The following NEGR1 variants were observed in gnomAD, a reference collection of about 807,000 sequenced individuals.
NEGR1 encodes the protein neuronal growth regulator 1, also known as IgLON family member 4.
Under a neutral mutation model 40.9 loss-of-function variants are expected in NEGR1, and 10 were observed. The ratio of observed to expected loss-of-function variants is 0.24; its 90% confidence interval spans 0.15 to 0.42. NEGR1 has a LOEUF of 0.42. Ranked by LOEUF, NEGR1 falls within the 10% of genes least tolerant of loss-of-function variation. NEGR1 has a pLI of 1.00. For synonymous variants in NEGR1, 185 were observed against 166.8 expected (o/e 1.11, Z -0.84); for missense variants, 352 against 438.9 (o/e 0.80, Z 1.77).
rs149059697 is a variant in NEGR1 at position 72,183,184 on chromosome 1, A to T, written c.176+99135T>A. Among the ~76,000 whole-genome samples the T allele has an allele frequency of 6.1e-3, 928 of 152,126 alleles. 12 individuals carry two copies. The highest frequency in any genetic ancestry group is 0.021 in the African/African-American group (886 of 41,512). ...GACCACTGAAACCTCTCTTTAAGAG[A>T]CCCTACTTCAGGGAGCATAGCTGAC... On this transcript the variant is annotated intron_variant, in intron 1 of 6. Coordinates refer to ENST00000357731, the MANE Select transcript of NEGR1 (RefSeq NM_173808.3).
chr1:71,724,385 A>G (rs1446386467), intron 3 of NEGR1, among the ~76,000 whole-genome samples: 1 of 152,162 alleles, frequency 6.6e-6, no homozygotes, highest in Non-Finnish European at 1.5e-5. Context: ...TATTTTTTGT[A>G]TAAACAGAAT....
intron 6 of NEGR1, among the ~76,000 whole-genome samples, chr1:71,528,636 G>A (rs1317304272): frequency 6.6e-6 from 1 of 151,130 alleles, no homozygotes; most frequent in Non-Finnish European, 1.5e-5. Flanking sequence ...ACATAATATG[G>A]TATCTTGTGG....
chr1:71,569,523 T>C (rs1005812973), intron 6 of NEGR1, among the ~76,000 whole-genome samples: 1 of 152,202 alleles, frequency 6.6e-6, no homozygotes, highest in African/African-American at 2.4e-5. Flanking sequence ...GCATCTCTTC[T>C]GTAAAAATAT....
At chr1:71,597,472 C>CTCTCTCTCTGTGTGTGTGTGTGTG (rs756076229) in intron 5 of NEGR1, among the ~76,000 whole-genome samples, 41 of 31,278 alleles carry the variant, frequency 1.3e-3, no homozygotes, top group African/African-American at 2.4e-3. Flanking sequence ...CTCTCTCTCT[C>CTCTCTCTCTGTGTGTGTGTGTGTG]TGTGTGTGTG....
At chr1:71,864,242 A>G (rs1037829153) in intron 2 of NEGR1, among the ~76,000 whole-genome samples, 15 of 152,270 alleles carry the variant, frequency 9.9e-5, no homozygotes, top group African/African-American at 1.7e-4. Flanking sequence ...TTAAGACTGT[A>G]CAGCTTATTC....
chr1:72,013,766 T>C (rs995584455), intron 1 of NEGR1, among the ~76,000 whole-genome samples: 5 of 151,740 alleles, frequency 3.3e-5, no homozygotes, highest in Non-Finnish European at 5.9e-5. Context: ...CTGACTGTCA[T>C]GTTCGTGAAC....
intron 2 of NEGR1, among the ~76,000 whole-genome samples, chr1:71,908,588 C>T (rs1444951083): frequency 6.6e-6 from 1 of 152,112 alleles, no homozygotes; most frequent in Non-Finnish European, 1.5e-5. Context: ...CCAACTGGGA[C>T]AAAAACATAC....
intron 5 of NEGR1, among the ~76,000 whole-genome samples, chr1:71,598,273 T>A (rs957273622): frequency 6.6e-6 from 1 of 151,902 alleles, no homozygotes; most frequent in Non-Finnish European, 1.5e-5. Context: ...TTCAAGAAAA[T>A]CGAGTCAAGC....
At chr1:72,097,486 A>C (rs148751605) in intron 1 of NEGR1, among the ~76,000 whole-genome samples, 650 of 152,276 alleles carry the variant, frequency 4.3e-3, no homozygotes, top group African/African-American at 0.015. Context: ...TCATAATATT[A>C]CCCAGGGTCA....
At chr1:72,270,624 T>C (rs1655810595) in intron 1 of NEGR1, among the ~76,000 whole-genome samples, 1 of 151,922 alleles carries the variant, frequency 6.6e-6, no homozygotes, top group Non-Finnish European at 1.5e-5. Flanking sequence ...CAAATGTTCA[T>C]CTTCATCCTC....
intron 2 of NEGR1, among the ~76,000 whole-genome samples, chr1:71,783,622 A>G (rs1282880114): frequency 2.0e-5 from 3 of 152,196 alleles, no homozygotes; most frequent in Admixed American, 6.6e-5. Flanking sequence ...CTACAGATAA[A>G]ATATGCCAGA....
At chr1:71,522,861 T>TA (rs1251415103) in intron 6 of NEGR1, among the ~76,000 whole-genome samples, 1 of 151,528 alleles carries the variant, frequency 6.6e-6, no homozygotes, top group Non-Finnish European at 1.5e-5. Context: ...CCAGATACAA[T>TA]AAAAAACAAT....
chr1:71,438,060 T>G (rs1186221984), intron 6 of NEGR1, among the ~76,000 whole-genome samples: 1 of 152,216 alleles, frequency 6.6e-6, no homozygotes, highest in Non-Finnish European at 1.5e-5. Context: ...TGATCTATGG[T>G]TTAAACCAGT....
chr1:71,660,757 T>C (rs1652026826), intron 4 of NEGR1, among the ~76,000 whole-genome samples: 1 of 152,140 alleles, frequency 6.6e-6, no homozygotes. Flanking sequence ...ACCTGCAGGT[T>C]TGTTACATAG....
At chr1:72,126,653 A>AT (rs1650035842) in intron 1 of NEGR1, among the ~76,000 whole-genome samples, 1 of 152,150 alleles carries the variant, frequency 6.6e-6, no homozygotes, top group Admixed American at 6.5e-5. Context: ...AGGGTCAGAG[A>AT]TTTTTATCCT....
chr1:72,133,091 C>T (rs1650319016), intron 1 of NEGR1, among the ~76,000 whole-genome samples: 1 of 152,082 alleles, frequency 6.6e-6, no homozygotes, highest in Non-Finnish European at 1.5e-5. Flanking sequence ...TAACAATACT[C>T]ATTTAAGAAT....
At chr1:71,511,331 T>C (rs1435633193) in intron 6 of NEGR1, among the ~76,000 whole-genome samples, 3 of 152,218 alleles carry the variant, frequency 2.0e-5, no homozygotes, top group Non-Finnish European at 4.4e-5. Context: ...CATGTATAAA[T>C]TGAGTTTTTA....
chr1:71,798,311 G>C (rs942850621), intron 2 of NEGR1: 1 of 151,760 alleles, frequency 6.6e-6, no homozygotes, highest in Non-Finnish European at 1.5e-5. Context: ...GAAAGTTCAC[G>C]GTGAATATCC....
intron 6 of NEGR1, among the ~76,000 whole-genome samples, chr1:71,482,252 G>T (rs1646858484): frequency 6.6e-6 from 1 of 151,742 alleles, no homozygotes; most frequent in South Asian, 2.1e-4. Flanking sequence ...TAATATTAAA[G>T]AACTAGCTTT....
Sources: allele counts gnomAD v4.1 joint callset (sites outside exome capture counted in the v4.1 genomes callset), GRCh38; gene constraint gnomAD v4.1.1; transcripts MANE v1.5; gene names NCBI Gene and HGNC (gene_info 2026-07-23, HGNC 2026-07-21).